LRRC43: variants seen among roughly 807,000 people sequenced by gnomAD.
LRRC43 encodes leucine rich repeat containing 43, also known as leucine-rich repeat-containing protein 43.
A neutral mutation model predicts 64.3 loss-of-function variants in LRRC43; 62 were observed. The ratio of observed to expected loss-of-function variants is 0.96; its 90% CI spans 0.79 to 1.19. LRRC43 has a LOEUF of 1.19. Ranked by LOEUF, LRRC43 falls within the 50% of genes most tolerant of loss-of-function variation. The probability of loss-of-function intolerance (pLI) is 0.00; values close to 1 mark genes in which losing one functional copy is unlikely to be tolerated. For missense variants in LRRC43, 868 were observed against 845.0 expected, an observed-to-expected ratio of 1.03 and a Z score of -0.34; for synonymous variants, 422 against 382.3, an observed-to-expected ratio of 1.10 and a Z score of -1.21.
chr12:122,193,330 G>A (rs1213805935), intron 7 of LRRC43, among the ~76,000 whole-genome samples: 1 of 140,032 alleles, frequency 7.1e-6, no homozygotes, highest in East Asian at 2.2e-4. Flanking sequence ...GCAGTGAGCC[G>A]AGATCGTGCC....
Position 122,185,153 on chromosome 12 carries a change from A to T in LRRC43, c.411+374A>T, listed in dbSNP as rs546025758. On this transcript the variant is annotated intron_variant, in intron 2 of 11. Transcript: ENST00000339777. The stretch of plus-strand genomic sequence containing the variant: ...GTAGTTCTATTTTAATTTGTTACCA[A>T]AAAGCATTCTTTGTTTACATCAGTA... Among the ~76,000 whole-genome samples the T allele has an allele frequency of 5.3e-5, 8 of 152,192 alleles. No homozygotes were observed. In the South Asian group the frequency reaches 1.5e-3, roughly 28 times the overall value.
At chr12:122,181,366 AC>A (rs567910920), upstream of LRRC43, among the ~76,000 whole-genome samples, 184 of 150,752 alleles carry the variant, frequency 1.2e-3, 1 homozygote, top group African/African-American at 3.9e-3. Flanking sequence ...ACACGGTGAA[AC>A]CCCGTCTCTA....
chr12:122,192,937 A>G lies in LRRC43; in HGVS notation c.1282A>G (p.Arg428Gly). The change falls in exon 7 of 12, where the codon AGG (arginine) becomes GGG (glycine). Residue 428 changes from arginine to glycine, a missense_variant. Arg to Gly is a moderately radical substitution (Grantham distance 125). Transcript: ENST00000339777. ...SGPSTILQMP[R>G]ASAEELAKLR... ...GCCTTCGACCATCTTGCAGATGCCGAGGGCCTCTGCAGAAGAGCTGGCCAA... is the reference window on the plus strand; with the variant it reads ...GCCTTCGACCATCTTGCAGATGCCGGGGGCCTCTGCAGAAGAGCTGGCCAA... 1 of 1,613,990 alleles carries G rather than the reference A, an allele frequency of 6.2e-7. No homozygotes were observed. The highest frequency in any genetic ancestry group is 8.5e-7 in the Non-Finnish European group (1 of 1,179,966).
chr12:122,172,605 T>C (rs1251606405), intron 1 of LRRC43: 1 of 1,614,084 alleles, frequency 6.2e-7, no homozygotes, highest in Admixed American at 1.7e-5. Flanking sequence ...AATAACAGAT[T>C]TGTTGTCTAG....
intron 3 of LRRC43, among the ~76,000 whole-genome samples, chr12:122,187,095 G>T (rs1228901063): frequency 6.6e-6 from 1 of 151,458 alleles, no homozygotes; most frequent in African/African-American, 2.4e-5. Flanking sequence ...GCCAGGCGTC[G>T]TGGCTGGTGC....
rs918091628 is a variant in LRRC43, at chr12:122,184,337, G to A, written c.151-182G>A. On this transcript the variant is annotated intron_variant, in intron 1 of 11. Coordinates refer to ENST00000339777, the MANE Select transcript of LRRC43 (RefSeq NM_001098519.2). This position sits in a 1 kb window ranked among gnomAD's most constrained non-coding sequence, Gnocchi z 4.0. ...CCTCGATCTCTTGACCTCATGATCC[G>A]CCTGCCTCAGCCTCCCAAAGTGCTG... Among the ~76,000 whole-genome samples the A allele has an allele frequency of 8.6e-5, 13 of 151,970 alleles. No homozygotes were observed. The highest frequency in any genetic ancestry group is 2.7e-4 in the African/African-American group (11 of 41,368).
chr12:122,186,128 TG>T, intron 2 of LRRC43, 61 bp from the exon 3 acceptor site: 2 of 881,224 alleles, frequency 2.3e-6, no homozygotes, highest in South Asian at 1.4e-5. Context: ...AATGTGGACA[TG>T]GGTTCTGTGC....
At chr12:122,171,252 G>A (rs1953482964) in intron 1 of LRRC43, among the ~76,000 whole-genome samples, 1 of 152,210 alleles carries the variant, frequency 6.6e-6, no homozygotes, top group Admixed American at 6.5e-5. Context: ...CTGGAAACTG[G>A]GCTCCACCCC....
intron 1 of LRRC43, among the ~76,000 whole-genome samples, chr12:122,169,916 GGTA>G (rs1490302479): frequency 2.6e-4 from 39 of 151,842 alleles, no homozygotes; most frequent in African/African-American, 9.4e-4. Flanking sequence ...TCAAGCAAGT[GGTA>G]CCTCAGCCTC....
At chr12:122,182,176 C>A (rs149769851), upstream of LRRC43, among the ~76,000 whole-genome samples, 1,079 of 151,688 alleles carry the variant, frequency 7.1e-3, 15 homozygotes, top group African/African-American at 0.025. Flanking sequence ...TTGCCTGAGC[C>A]CAGGAGTTTG....
chr12:122,199,561 C>T (rs553427484), intron 7 of LRRC43, among the ~76,000 whole-genome samples: 63 of 151,660 alleles, frequency 4.2e-4, no homozygotes, highest in Non-Finnish European at 7.9e-4. Context: ...GGATTACAGG[C>T]GTGAGTCACC....
chr12:122,203,261 G>T, intron 11 of LRRC43, 54 bp from the exon 12 acceptor site: 1 of 1,590,806 alleles, frequency 6.3e-7, no homozygotes, highest in Non-Finnish European at 8.5e-7. Flanking sequence ...GGGCGGCCGA[G>T]AACGCCAGCC....
At chr12:122,176,366 G>A (rs955844514) in intron 1 of LRRC43, among the ~76,000 whole-genome samples, 1 of 152,160 alleles carries the variant, frequency 6.6e-6, no homozygotes, top group Non-Finnish European at 1.5e-5. Context: ...GGACAGGAGG[G>A]TAGTGGGGAG....
chr12:122,173,985 C>T lies in LRRC43; in HGVS notation c.-406+6203C>T, dbSNP rs150347535. 15 of 1,613,934 alleles carry T rather than the reference C, an allele frequency of 9.3e-6. No homozygotes were observed. In the African/African-American group the frequency reaches 9.3e-5, roughly 10 times the overall value. On this transcript the variant is annotated intron_variant, in intron 1 of 5. Coordinates refer to the LRRC43 transcript ENST00000537729. ...AGCAGAACAGAAAGAGCACAGACGT[C>T]GAGGGGCCTGGAGAGAGAACGATGC...
At position 122,184,383 on chromosome 12, in the gene LRRC43, C is replaced by T. The variant is rs545766451; in HGVS notation, c.151-136C>T. 40 of 1,142,966 alleles carry T rather than the reference C, an allele frequency of 3.5e-5. No homozygotes were observed. The Admixed American group carries it at 3.5e-4, about 10-fold the overall frequency. 70.8% of individuals were successfully genotyped at this position (1,142,966 alleles called of 1,614,324 possible). On this transcript the variant is annotated intron_variant, in intron 1 of 11. Coordinates refer to ENST00000339777, the MANE Select transcript of LRRC43 (RefSeq NM_001098519.2). The surrounding 1 kb of genome is among the most constrained non-coding windows in gnomAD (Gnocchi z 4.0). ...TGCTGGGATTACAGGCATGAGCCAC[C>T]GCACCTGGCCTACTCTCTAGATTTC...
At position 122,190,252 on chromosome 12, in the gene LRRC43, T is replaced by C; in HGVS notation, c.785T>C (p.Leu262Ser). The C allele has an allele frequency of 6.2e-7, 1 of 1,614,176 alleles. No individual in the cohort carries two copies. Reference protein sequence around the residue: ...LLVLQGNPLALVPYYRGLTID... With the variant: ...LLVLQGNPLASVPYYRGLTID... ...GTGCTGCAGGGAAACCCACTGGCCTTGGTGCCCTACTACCGCGGCCTCACC... is the reference window on the plus strand; with the variant it reads ...GTGCTGCAGGGAAACCCACTGGCCTCGGTGCCCTACTACCGCGGCCTCACC... Residue 262 changes from leucine (L) to serine (S), a missense_variant, in exon 5 of 12, where the codon TTG becomes TCG. Transcript: ENST00000339777.
chr12:122,187,670 A>G (rs566749536), intron 3 of LRRC43, 31 bp from the exon 4 acceptor site: 4 of 1,608,376 alleles, frequency 2.5e-6, no homozygotes, highest in African/African-American at 2.7e-5. Context: ...TTGGGGCCCC[A>G]TCGTCCCGGG....
At chr12:122,174,056 C>A (rs1450703885) in intron 1 of LRRC43, 3 of 1,613,006 alleles carry the variant, frequency 1.9e-6, no homozygotes, top group Admixed American at 1.7e-5. Context: ...GGCTCCATCC[C>A]TGCAGCCCTG....
intron 1 of LRRC43, among the ~76,000 whole-genome samples, chr12:122,176,241 T>C (rs2136020827): frequency 6.6e-6 from 1 of 152,232 alleles, no homozygotes; most frequent in South Asian, 2.1e-4. Context: ...TGGGAAGACC[T>C]GGGAGAAGAG....
Sources: gnomAD v4.1 joint callset for allele counts (sites outside exome capture counted in the v4.1 genomes callset) on GRCh38, gnomAD v4.1.1 for gene constraint, Gnocchi (gnomAD v3.1) non-coding constraint, MANE v1.5 for transcripts, NCBI Gene and HGNC (gene_info 2026-07-23, HGNC 2026-07-21) for gene names.